Variants in STIP1 observed in about 807,000 individuals in gnomAD.
STIP1 encodes stress induced phosphoprotein 1.
A neutral mutation model predicts 77.4 loss-of-function variants in STIP1; 16 were observed. The observed-to-expected ratio is 0.21, with a 90% CI of 0.14 to 0.31. The LOEUF is 0.31. Ranked by LOEUF, STIP1 falls within the 10% of genes least tolerant of loss-of-function variation. The pLI is 1.00. For synonymous variants in STIP1, 258 were observed against 246.6 expected (o/e 1.05, Z -0.44); for missense variants, 524 against 684.8 (o/e 0.77, Z 2.62).
At chr11:64,201,051 A>AT (rs1946214617) in intron 10 of STIP1, among the ~76,000 whole-genome samples, 1 of 151,266 alleles carries the variant, frequency 6.6e-6, no homozygotes, top group African/African-American at 2.4e-5. Flanking sequence ...AAAAAAAAAA[A>AT]AAAAGACAAG....
intron 5 of STIP1, 64 bp from the exon 6 acceptor site, chr11:64,197,207 C>T (rs1300132679): frequency 1.2e-6 from 2 of 1,600,852 alleles, no homozygotes; most frequent in Middle Eastern, 1.8e-4. Context: ...TGTGACAGAT[C>T]ATAGATTCTT....
At chr11:64,201,115 C>G (rs552302753) in intron 10 of STIP1, among the ~76,000 whole-genome samples, 10 of 152,048 alleles carry the variant, frequency 6.6e-5, no homozygotes, top group African/African-American at 2.4e-4. Context: ...TCTCAGCTCA[C>G]TGCAACCTCT....
intron 10 of STIP1, 52 bp downstream of exon 10, chr11:64,200,345 G>A: frequency 6.4e-7 from 1 of 1,559,936 alleles, no homozygotes; most frequent in Non-Finnish European, 8.6e-7. Flanking sequence ...CATGAGGAGT[G>A]GGTTTTCTCT....
chr11:64,201,062 G>A (rs1946214906), intron 10 of STIP1, among the ~76,000 whole-genome samples: 2 of 150,466 alleles, frequency 1.3e-5, no homozygotes, highest in Admixed American at 1.3e-4. Flanking sequence ...AAAAGACAAG[G>A]TCTGGCTCTA....
chr11:64,190,334 C>T lies in STIP1; in HGVS notation c.10-2744C>T, dbSNP rs538049759. ...GATTACAGGCATGCACCACCACGCC[C>T]GGCTAATTTTTTTTGTATTTTTAGT... On this transcript the variant is annotated intron_variant, in intron 1 of 13. Coordinates refer to ENST00000305218, the MANE Select transcript of STIP1 (RefSeq NM_006819.3). Among the ~76,000 whole-genome samples, 51 of 152,260 alleles carry T rather than the reference C, an allele frequency of 3.3e-4. 1 individual carries two copies. Among genetic ancestry groups the T allele is most frequent in the Admixed American group, 2.3e-3 (35 of 15,294 alleles).
In STIP1 at chr11:64,193,286, A is replaced by G; in HGVS notation, c.218A>G (p.Lys73Arg). 6.2e-7 allele frequency: 1 copy of G among 1,614,190 alleles called. No homozygotes were observed. Among genetic ancestry groups the G allele is most frequent in the Non-Finnish European group, 8.5e-7 (1 of 1,180,022 alleles). Reference protein sequence around the residue: ...KTVDLKPDWGKGYSRKAAALE... With the variant: ...KTVDLKPDWGRGYSRKAAALE... Reference sequence around the variant, plus strand: ...GTCGACCTAAAGCCTGACTGGGGCAAGGTCAGCTGTGGGCAGTGGAGGGAG... The same window carrying G: ...GTCGACCTAAAGCCTGACTGGGGCAGGGTCAGCTGTGGGCAGTGGAGGGAG... Residue 73 changes from lysine (K) to arginine (R), a missense_variant and splice_region_variant, in exon 2 of 14, where the codon AAG (lysine) becomes AGG (arginine). Physicochemically the swap from Lys to Arg is conservative, Grantham distance 26. Coordinates refer to ENST00000305218, the MANE Select transcript of STIP1 (RefSeq NM_006819.3).
At chr11:64,196,395 CA>C (rs57497154) in intron 5 of STIP1, among the ~76,000 whole-genome samples, 12,519 of 69,436 alleles carry the variant, frequency 0.18, 536 homozygotes, top group Non-Finnish European at 0.22. Context: ...GACTCCATCT[CA>C]AAAAAAAAAA....
chr11:64,202,616 G>T, intron 10 of STIP1: 1 of 509,388 alleles, frequency 2.0e-6, no homozygotes, highest in Admixed American at 3.5e-5. Context: ...CACGCATTTT[G>T]TCTAGTTGTC....
At position 64,203,482 on chromosome 11, in the gene STIP1, G is replaced by A. The variant is rs1447724826; in HGVS notation, c.1419G>A (p.Met473Ile). The change falls in exon 13 of 14, where the codon ATG (methionine) becomes ATA (isoleucine). Residue 473 changes from methionine (M) to isoleucine (I), a missense_variant. By Grantham distance (10) the Met-to-Ile change is conservative (BLOSUM62 1). Coordinates refer to ENST00000305218, the MANE Select transcript of STIP1 (RefSeq NM_006819.3). ...CAGACGGCTACCAGCGCTGTATGATGGCGCAGTACAACCGGCACGACAGCC... is the reference window on the plus strand; with the variant it reads ...CAGACGGCTACCAGCGCTGTATGATAGCGCAGTACAACCGGCACGACAGCC... ...EAADGYQRCM[M>I]AQYNRHDSPE... The A allele has an allele frequency of 6.2e-7, 1 of 1,614,112 alleles. No homozygotes were observed. Among genetic ancestry groups the A allele is most frequent in the East Asian group, 2.2e-5 (1 of 44,882 alleles).
chr11:64,200,179 C>T lies in STIP1; in HGVS notation c.1131C>T (p.Pro377=), dbSNP rs1457190040. The T allele has an allele frequency of 1.2e-6, 2 of 1,612,992 alleles. No individual in the cohort carries two copies. Among genetic ancestry groups the T allele is most frequent in the Non-Finnish European group, 1.7e-6 (2 of 1,179,554 alleles). ...GNECFQKGDY[P]QAMKHYTEAI... ...GTTTTTCTTCCCCAGGGGACTATCC[C>T]CAGGCCATGAAGCATTATACAGAAG... The change falls in exon 10 of 14, where the codon CCC becomes CCT. Residue 377 remains proline, a synonymous_variant. Coordinates refer to ENST00000305218, the MANE Select transcript of STIP1 (RefSeq NM_006819.3).
chr11:64,201,035 TTAA>T (rs1946214430), intron 10 of STIP1, among the ~76,000 whole-genome samples: 1 of 137,942 alleles, frequency 7.2e-6, no homozygotes. Context: ...CCCCCTTTTT[TTAA>T]AAAAAAAAAA....
At chr11:64,186,492 G>C in intron 1 of STIP1, 1 of 410,926 alleles carries the variant, frequency 2.4e-6, no homozygotes, top group South Asian at 1.0e-4. Flanking sequence ...CTGGTTGGGC[G>C]AGGAGGGCCC....
intron 1 of STIP1, among the ~76,000 whole-genome samples, chr11:64,191,459 AGCTGGGC>A (rs1044467708): frequency 1.1e-4 from 16 of 151,810 alleles, no homozygotes; most frequent in East Asian, 9.7e-4. Context: ...TACAAAAATT[AGCTGGGC>A]GTGGTGGCGG....
chr11:64,187,828 C>T (rs922895560), intron 1 of STIP1, among the ~76,000 whole-genome samples: 2 of 151,852 alleles, frequency 1.3e-5, no homozygotes, highest in Non-Finnish European at 1.5e-5. Context: ...AGTGAAACCC[C>T]GTCTCTACTA....
At position 64,199,858 on chromosome 11, in the gene STIP1, C is replaced by T. The variant is rs553299057; in HGVS notation, c.1024-82C>T. 524 of 1,535,958 alleles carry T rather than the reference C, an allele frequency of 3.4e-4. 3 individuals carry two copies. In the East Asian group the frequency reaches 9.6e-3, roughly 28 times the overall value. On this transcript the variant is annotated intron_variant, in intron 8 of 13. Coordinates refer to ENST00000305218, the MANE Select transcript of STIP1 (RefSeq NM_006819.3). ...GATCACAGGCGTGAGCCACCGCGCC[C>T]GGCCCCTAATGTGATTTTTAAGCCC... is the stretch of plus-strand genomic sequence containing the variant.
At chr11:64,186,749 C>T (rs180948459) in intron 1 of STIP1, among the ~76,000 whole-genome samples, 1 of 152,270 alleles carries the variant, frequency 6.6e-6, no homozygotes, top group Admixed American at 6.5e-5. Flanking sequence ...ATCCAGGGAG[C>T]GGGGACGGGG....
chr11:64,197,083 A>G (rs1005526129), intron 5 of STIP1, 188 bp from the exon 6 acceptor site: 2 of 716,144 alleles, frequency 2.8e-6, no homozygotes, highest in Non-Finnish European at 4.5e-6. Flanking sequence ...GCAAGCAAAG[A>G]TGAAGTTAGT....
chr11:64,186,015 A>C, upstream of STIP1: 1 of 1,544,008 alleles, frequency 6.5e-7, no homozygotes, highest in South Asian at 1.2e-5. Flanking sequence ...GGTGCGGGGG[A>C]GGCAGGGTTG....
At chr11:64,192,034 C>T (rs937058487) in intron 1 of STIP1, among the ~76,000 whole-genome samples, 15 of 152,046 alleles carry the variant, frequency 9.9e-5, no homozygotes, top group African/African-American at 1.7e-4. Context: ...TGTATCCCAC[C>T]GGGCGCGGTG....
Sources: gnomAD v4.1 joint callset for allele counts (sites outside exome capture counted in the v4.1 genomes callset) on GRCh38, gnomAD v4.1.1 for gene constraint, MANE v1.5 for transcripts, NCBI Gene and HGNC (gene_info 2026-07-23, HGNC 2026-07-21) for gene names.